Variants in PRKCE observed in about 807,000 individuals in gnomAD.
PRKCE encodes the protein protein kinase C epsilon type.
PRKCE carries 16 observed loss-of-function variants against 85.4 expected under a neutral mutation model. The ratio of observed to expected loss-of-function variants is 0.19; its 90% CI spans 0.13 to 0.28. PRKCE has a LOEUF of 0.28. Ranked by LOEUF, PRKCE falls within the 10% of genes least tolerant of loss-of-function variation. The pLI, the probability that PRKCE is intolerant of heterozygous loss-of-function variation, is 1.00. For missense variants in PRKCE, 573 were observed against 975.2 expected (o/e 0.59, Z 5.49); for synonymous variants, 388 against 371.5 (o/e 1.04, Z -0.51).
chr2:45,824,325 C>T (rs1689770557), intron 1 of PRKCE, among the ~76,000 whole-genome samples: 1 of 152,228 alleles, frequency 6.6e-6, no homozygotes, highest in African/African-American at 2.4e-5. Context: ...CAACTCCTTT[C>T]TTTCCAAAGC....
chr2:45,776,586 C>T (rs1685765689), intron 1 of PRKCE, among the ~76,000 whole-genome samples: 1 of 152,176 alleles, frequency 6.6e-6, no homozygotes, highest in African/African-American at 2.4e-5. Flanking sequence ...GTGGTCTGCT[C>T]GCAAACTTAT....
chr2:46,107,148 C>T (rs1397080670), intron 11 of PRKCE, among the ~76,000 whole-genome samples: 4 of 152,148 alleles, frequency 2.6e-5, no homozygotes, highest in Non-Finnish European at 5.9e-5. Context: ...TTTACCTATC[C>T]AACTCTCTCC....
At chr2:45,680,126 C>T (rs1035090816) in intron 1 of PRKCE, among the ~76,000 whole-genome samples, 2 of 152,118 alleles carry the variant, frequency 1.3e-5, no homozygotes, top group African/African-American at 4.8e-5. Context: ...CATTCACAGA[C>T]CAGGGCTAGC....
intron 1 of PRKCE, among the ~76,000 whole-genome samples, chr2:45,798,227 T>TA (rs976961789): frequency 6.6e-6 from 1 of 151,992 alleles, no homozygotes; most frequent in African/African-American, 2.4e-5. Flanking sequence ...ATGGGAAAAA[T>TA]AAAAAATAAA....
At chr2:46,125,692 G>T (rs868699673) in intron 11 of PRKCE, among the ~76,000 whole-genome samples, 1 of 152,098 alleles carries the variant, frequency 6.6e-6, no homozygotes, top group Admixed American at 6.5e-5. Context: ...ATAAATACAG[G>T]CATAAATATA....
intron 1 of PRKCE, among the ~76,000 whole-genome samples, chr2:45,759,682 G>T (rs1684280245): frequency 6.6e-6 from 1 of 152,360 alleles, no homozygotes; most frequent in East Asian, 1.9e-4. Context: ...TATGATCTCA[G>T]GAGTAAGACA....
chr2:45,896,713 A>C (rs1244325958), intron 2 of PRKCE, among the ~76,000 whole-genome samples: 1 of 152,232 alleles, frequency 6.6e-6, no homozygotes, highest in South Asian at 2.1e-4. Flanking sequence ...CCTGAGATTG[A>C]ATATGCTCTC....
intron 1 of PRKCE, among the ~76,000 whole-genome samples, chr2:45,736,998 G>T (rs1682123089): frequency 6.6e-6 from 1 of 152,190 alleles, no homozygotes; most frequent in Admixed American, 6.5e-5. Context: ...CATGCTGAAA[G>T]GGAGCTGCCG....
chr2:45,742,108 C>G (rs965449536), intron 1 of PRKCE, among the ~76,000 whole-genome samples: 1 of 152,072 alleles, frequency 6.6e-6, no homozygotes. Context: ...ACAAGTGGGA[C>G]TATGTCAAAC....
In PRKCE at chr2:45,705,498, C is replaced by T. The variant is rs568600128; in HGVS notation, c.348+53050C>T. Among the ~76,000 whole-genome samples the T allele has an allele frequency of 1.6e-4, 24 of 152,326 alleles. 1 individual carries two copies. Among genetic ancestry groups the T allele is most frequent in the Middle Eastern group, 3.4e-3 (1 of 294 alleles). On this transcript the variant is annotated intron_variant, in intron 1 of 14. Coordinates refer to ENST00000306156, the MANE Select transcript of PRKCE (RefSeq NM_005400.3). Reference sequence around the variant, plus strand: ...GCTGTACCATTCCCTGCACCGCATGCTCCAACCAGACCAACCCAGCCCTCC... The same window carrying T: ...GCTGTACCATTCCCTGCACCGCATGTTCCAACCAGACCAACCCAGCCCTCC...
intron 1 of PRKCE, chr2:45,840,343 G>A (rs1306955213): frequency 1.3e-5 from 2 of 152,250 alleles, no homozygotes; most frequent in Non-Finnish European, 2.9e-5. Context: ...ATTCAGCAGA[G>A]CCGACTGTTG....
chr2:45,652,467 C>A lies in PRKCE; in HGVS notation c.348+19C>A, dbSNP rs763815560. ...GGACTGGGTGAGTGCGGCGCCTCCC[C>A]GTCATTCCGGGAACCCGGTTGTGGG... On this transcript the variant is annotated intron_variant, in intron 1 of 14. Transcript: ENST00000306156. This position sits in a 1 kb window ranked among gnomAD's most constrained non-coding sequence, Gnocchi z 7.7. 8.2e-6 allele frequency: 13 copies of A among 1,587,422 alleles called. No homozygotes were observed. The South Asian group carries it at 1.2e-4, about 15-fold the overall frequency.
chr2:45,761,710 C>G (rs1684519237), intron 1 of PRKCE, among the ~76,000 whole-genome samples: 1 of 152,170 alleles, frequency 6.6e-6, no homozygotes, highest in African/African-American at 2.4e-5. Flanking sequence ...TAAGCTTGCC[C>G]TGGCTTCCTG....
intron 1 of PRKCE, among the ~76,000 whole-genome samples, chr2:45,744,670 C>T (rs1474601242): frequency 6.6e-6 from 1 of 151,376 alleles, no homozygotes; most frequent in Non-Finnish European, 1.5e-5. Flanking sequence ...TGCAGTGGTG[C>T]CGTCTCCGGC....
chr2:46,085,058 C>T (rs1207215580), intron 10 of PRKCE, among the ~76,000 whole-genome samples: 3 of 152,078 alleles, frequency 2.0e-5, no homozygotes, highest in Non-Finnish European at 4.4e-5. Context: ...TTGTAAGCTC[C>T]CCAGGACAGC....
chr2:45,854,221 T>C (rs1692498993), intron 2 of PRKCE, among the ~76,000 whole-genome samples: 1 of 152,198 alleles, frequency 6.6e-6, no homozygotes, highest in Non-Finnish European at 1.5e-5. Flanking sequence ...GTGGCATTGC[T>C]GAGCCGGGAG....
At chr2:45,775,792 A>G (rs1434715334) in intron 1 of PRKCE, among the ~76,000 whole-genome samples, 1 of 152,134 alleles carries the variant, frequency 6.6e-6, no homozygotes, top group South Asian at 2.1e-4. Context: ...ATCATGGGTG[A>G]AAATCCTTAA....
chr2:45,778,395 C>G (rs1010123318), intron 1 of PRKCE, among the ~76,000 whole-genome samples: 1 of 152,050 alleles, frequency 6.6e-6, no homozygotes, highest in African/African-American at 2.4e-5. Flanking sequence ...TCTGGGAGAC[C>G]CTGATGGGGA....
In PRKCE at chr2:45,976,354, C is replaced by T. The variant is rs1702453377; in HGVS notation, c.413-75C>T. On this transcript the variant is annotated intron_variant, in intron 2 of 14. Transcript: ENST00000306156. ...CTCCACTCCCCCAGGGATGGAGTAG[C>T]TCTCCAGAGGGAGCTCATTTTGAAG... The T allele has an allele frequency of 1.2e-5, 18 of 1,511,706 alleles. No individual in the cohort carries two copies. In the South Asian group the frequency reaches 1.3e-4, roughly 11 times the overall value. The allele number at this position is 1,511,706 out of a possible 1,614,324, so 93.6% of individuals were successfully genotyped here.
Sources: allele counts gnomAD v4.1 joint callset (sites outside exome capture counted in the v4.1 genomes callset), GRCh38; gene constraint gnomAD v4.1.1; non-coding constraint Gnocchi (gnomAD v3.1); transcripts MANE v1.5; gene names NCBI Gene and HGNC (gene_info 2026-07-23, HGNC 2026-07-21).